Variants in CUEDC1 observed in about 807,000 individuals in gnomAD.
CUEDC1 encodes CUE domain containing 1, also known as CUE domain-containing protein 1.
CUEDC1 carries 30 observed loss-of-function variants against 43.7 expected under a neutral mutation model. The ratio of observed to expected loss-of-function variants is 0.69; its 90% CI spans 0.51 to 0.93. The LOEUF (loss-of-function observed/expected upper bound fraction) is 0.93, where lower values mean the gene tolerates loss of function less well. Ranked by LOEUF, CUEDC1 falls within the 40% of genes least tolerant of loss-of-function variation. The pLI, the probability that CUEDC1 is intolerant of heterozygous loss-of-function variation, is 0.00. For synonymous variants in CUEDC1, 223 were observed against 223.6 expected (o/e 1.00, Z 0.02); for missense variants, 486 against 549.0 (o/e 0.89, Z 1.15).
At chr17:57,878,768 G>A (rs966693566) in intron 3 of CUEDC1, among the ~76,000 whole-genome samples, 1 of 152,138 alleles carries the variant, frequency 6.6e-6, no homozygotes, top group Non-Finnish European at 1.5e-5. Context: ...CGGGGTTCAA[G>A]CGGTTCTCCT....
At chr17:57,870,873 G>C (rs1001384796) in intron 6 of CUEDC1, among the ~76,000 whole-genome samples, 1 of 152,092 alleles carries the variant, frequency 6.6e-6, no homozygotes, top group African/African-American at 2.4e-5. Context: ...AGAGATAGGG[G>C]GGTCTCATTT....
At chr17:57,888,021 C>T (rs1299722154) in intron 1 of CUEDC1, among the ~76,000 whole-genome samples, 1 of 151,176 alleles carries the variant, frequency 6.6e-6, no homozygotes, top group Non-Finnish European at 1.5e-5. Flanking sequence ...CCATCTCAGC[C>T]TCCTGAGTAG....
At chr17:57,909,727 G>C (rs184745935) in intron 1 of CUEDC1, among the ~76,000 whole-genome samples, 78 of 152,342 alleles carry the variant, frequency 5.1e-4, no homozygotes, top group Non-Finnish European at 2.9e-4. Flanking sequence ...TGTCTCACCA[G>C]GAGGAAGGAT....
intron 1 of CUEDC1, among the ~76,000 whole-genome samples, chr17:57,936,599 G>A (rs956100906): frequency 6.6e-6 from 1 of 152,142 alleles, no homozygotes; most frequent in Non-Finnish European, 1.5e-5. Flanking sequence ...AGAGGAGGCA[G>A]TGCTGGCTCC....
At chr17:57,907,492 C>T (rs554607250) in intron 1 of CUEDC1, among the ~76,000 whole-genome samples, 1 of 152,112 alleles carries the variant, frequency 6.6e-6, no homozygotes, top group African/African-American at 2.4e-5. Context: ...ATAAGAGGAC[C>T]CTATTTACAT....
intron 1 of CUEDC1, among the ~76,000 whole-genome samples, chr17:57,943,871 G>A (rs1208395072): frequency 2.0e-5 from 3 of 152,036 alleles, no homozygotes; most frequent in African/African-American, 7.3e-5. Flanking sequence ...TCTACCTCTA[G>A]GCTCAGTTTA....
intron 10 of CUEDC1, among the ~76,000 whole-genome samples, chr17:57,863,981 A>G (rs1274858878): frequency 1.4e-5 from 2 of 147,660 alleles, no homozygotes; most frequent in East Asian, 3.9e-4. Flanking sequence ...AGCCTGGGCA[A>G]CAGAGCGAGA....
At chr17:57,921,300 G>T (rs1442693219) in intron 1 of CUEDC1, among the ~76,000 whole-genome samples, 1 of 152,068 alleles carries the variant, frequency 6.6e-6, no homozygotes, top group Non-Finnish European at 1.5e-5. Flanking sequence ...AGGCATAAAA[G>T]TTCCTTGTGA....
At chr17:57,925,031 C>T (rs2074733541) in intron 1 of CUEDC1, among the ~76,000 whole-genome samples, 2 of 151,402 alleles carry the variant, frequency 1.3e-5, no homozygotes. Flanking sequence ...ATTAAAAATT[C>T]TCATTATGTA....
At chr17:57,867,796 A>T (rs1278690214) in intron 8 of CUEDC1, among the ~76,000 whole-genome samples, 1 of 152,218 alleles carries the variant, frequency 6.6e-6, no homozygotes, top group Non-Finnish European at 1.5e-5. Flanking sequence ...GGACTCGTGC[A>T]CCAGTTCAAC....
chr17:57,937,876 C>T (rs756537537), intron 1 of CUEDC1, among the ~76,000 whole-genome samples: 2 of 151,974 alleles, frequency 1.3e-5, no homozygotes, highest in Non-Finnish European at 2.9e-5. Context: ...TACTGCACTC[C>T]AGCTGGGACG....
In CUEDC1 at chr17:57,954,506, A is replaced by C. The variant is rs1352771628; in HGVS notation, c.-316+719T>G. ...GGCGACCACGCGACCGAGAAAAGGA[A>C]GAGGGAGGAATGAATAAACGCTGAC... is the stretch of plus-strand genomic sequence containing the variant. On this transcript the variant is annotated intron_variant, in intron 1 of 10. Transcript: ENST00000577830. The surrounding 1 kb of genome is among the most constrained non-coding windows in gnomAD (Gnocchi z 4.3). 2.6e-5 allele frequency among the ~76,000 whole-genome samples: 4 copies of C among 151,934 alleles called. No individual in the cohort carries two copies. Among genetic ancestry groups the C allele is most frequent in the Non-Finnish European group, 5.9e-5 (4 of 67,976 alleles).
At chr17:57,900,842 T>C (rs1597995641) in intron 1 of CUEDC1, among the ~76,000 whole-genome samples, 1 of 152,360 alleles carries the variant, frequency 6.6e-6, no homozygotes, top group African/African-American at 2.4e-5. Context: ...TGCTCACTGC[T>C]ACTGATGAGG....
At chr17:57,944,593 C>T (rs569911587) in intron 1 of CUEDC1, among the ~76,000 whole-genome samples, 61 of 152,258 alleles carry the variant, frequency 4.0e-4, no homozygotes, top group Middle Eastern at 3.4e-3. Context: ...TAGTCAATAG[C>T]CATGTGTTGT....
At chr17:57,926,267 G>T (rs1373004916) in intron 1 of CUEDC1, among the ~76,000 whole-genome samples, 1 of 152,116 alleles carries the variant, frequency 6.6e-6, no homozygotes, top group Non-Finnish European at 1.5e-5. Context: ...CCTCTGCATG[G>T]CCTCCTGCTG....
chr17:57,877,088 A>G (rs2074136082), intron 3 of CUEDC1, among the ~76,000 whole-genome samples: 1 of 152,210 alleles, frequency 6.6e-6, no homozygotes, highest in Admixed American at 6.5e-5. Flanking sequence ...CCACAAGTCA[A>G]GTTCTCCTCA....
rs566559521 is a variant in CUEDC1 at position 57,914,518 on chromosome 17, A to G, written c.-315-28639T>C. ...ATATCTCGGCAGGAGGTCTCTCTCAATGAGGTACCAGGGATCCTGTTGCAT... is the reference window on the plus strand; with the variant it reads ...ATATCTCGGCAGGAGGTCTCTCTCAGTGAGGTACCAGGGATCCTGTTGCAT... On this transcript the variant is annotated intron_variant, in intron 1 of 10. Transcript: ENST00000577830. Among the ~76,000 whole-genome samples, 42 of 152,276 alleles carry G rather than the reference A, an allele frequency of 2.8e-4. 1 individual carries two copies. The highest frequency in any genetic ancestry group is 1.4e-3 in the East Asian group (7 of 5,174).
At chr17:57,937,651 C>T (rs2074874872) in intron 1 of CUEDC1, among the ~76,000 whole-genome samples, 2 of 151,166 alleles carry the variant, frequency 1.3e-5, no homozygotes, top group South Asian at 4.2e-4. Context: ...TGCCTAGAGG[C>T]TGGGCACAGT....
chr17:57,928,158 A>G (rs2074766272), intron 1 of CUEDC1, among the ~76,000 whole-genome samples: 1 of 152,214 alleles, frequency 6.6e-6, no homozygotes, highest in African/African-American at 2.4e-5. Context: ...CAAAAATCGA[A>G]TGCAATTTAA....
Sources: allele counts gnomAD v4.1 joint callset (sites outside exome capture counted in the v4.1 genomes callset), GRCh38; gene constraint gnomAD v4.1.1; non-coding constraint Gnocchi (gnomAD v3.1); transcripts MANE v1.5; gene names NCBI Gene and HGNC (gene_info 2026-07-23, HGNC 2026-07-21).